The following ENOSF1 variants were observed in gnomAD, a reference collection of about 807,000 sequenced individuals.
ENOSF1 encodes the protein mitochondrial enolase superfamily member 1.
A neutral mutation model predicts 68.2 loss-of-function variants in ENOSF1; 73 were observed. The observed-to-expected ratio is 1.07, with a 90% CI of 0.89 to 1.30. ENOSF1 has a LOEUF of 1.30. Ranked by LOEUF, ENOSF1 falls within the 50% of genes most tolerant of loss-of-function variation. The pLI, the probability that ENOSF1 is intolerant of heterozygous loss-of-function variation, is 0.00. For missense variants in ENOSF1, 589 were observed against 554.5 expected (o/e 1.06, Z -0.62); for synonymous variants, 223 against 210.4 (o/e 1.06, Z -0.52).
At chr18:692,095 A>G (rs2847334) in intron 5 of ENOSF1, 95,876 of 152,028 alleles carry the variant, frequency 0.63, 30,924 homozygotes, top group African/African-American at 0.79. Context: ...TCACTGACAG[A>G]AACACAGTGG....
At chr18:670,042 CTTATTT>C (rs2144346975), downstream of ENOSF1, among the ~76,000 whole-genome samples, 1 of 128,612 alleles carries the variant, frequency 7.8e-6, no homozygotes, top group East Asian at 2.9e-4. Context: ...GTAATAGAGA[CTTATTT>C]TTTTTTTTTT....
At position 693,908 on chromosome 18, in the gene ENOSF1, G is replaced by A; in HGVS notation, c.397C>T (p.Pro133Ser). 6.2e-7 allele frequency: 1 copy of A among 1,613,834 alleles called. No homozygotes were observed. Among genetic ancestry groups the A allele is most frequent in the South Asian group, 1.1e-5 (1 of 90,982 alleles). The part of the protein sequence containing the change: ...WDLWAKQEGK[P>S]VWKLLVDMDP... Reference sequence around the variant, plus strand: ...ATGTCCACAAGTAACTTCCAGACAGGCTTGAAGTAAAAAAGAAAGGATTTG... The same window carrying A: ...ATGTCCACAAGTAACTTCCAGACAGACTTGAAGTAAAAAAGAAAGGATTTG... Residue 133 changes from proline to serine, a missense_variant and splice_region_variant, in exon 5 of 16, where the codon CCT becomes TCT. Transcript: ENST00000647584.
chr18:691,522 ATTTTTG>A (rs943723204), intron 5 of ENOSF1: 5 of 420,928 alleles, frequency 1.2e-5, no homozygotes, highest in Non-Finnish European at 2.1e-5. Context: ...ATTTATTTTT[ATTTTTG>A]TAGAGATGGG....
intron 14 of ENOSF1, among the ~76,000 whole-genome samples, chr18:676,787 TCA>T (rs781632498): frequency 4.6e-5 from 7 of 152,238 alleles, no homozygotes; most frequent in Non-Finnish European, 8.8e-5. Flanking sequence ...CATTTATCAC[TCA>T]CAGTCCTGAA....
intron 8 of ENOSF1, among the ~76,000 whole-genome samples, chr18:688,888 T>C (rs894897305): frequency 6.6e-6 from 1 of 152,148 alleles, no homozygotes; most frequent in South Asian, 2.1e-4. Context: ...TTTTTAAAGC[T>C]AGAATATTCT....
chr18:678,026 T>C (rs1276138150), intron 12 of ENOSF1, 154 bp from the exon 13 acceptor site: 2 of 871,646 alleles, frequency 2.3e-6, no homozygotes, highest in African/African-American at 3.4e-5. Flanking sequence ...TCGCTGGGCA[T>C]GAGGCGAGCT....
At chr18:678,031 C>T (rs567530990) in intron 12 of ENOSF1, 159 bp from the exon 13 acceptor site, 22 of 831,820 alleles carry the variant, frequency 2.6e-5, no homozygotes, top group Admixed American at 9.9e-5. Context: ...GGGCATGAGG[C>T]GAGCTTTTAT....
intron 11 of ENOSF1, 128 bp downstream of exon 11, chr18:683,118 A>G (rs2076248409): frequency 8.7e-7 from 1 of 1,143,642 alleles, no homozygotes; most frequent in Non-Finnish European, 1.2e-6. Flanking sequence ...ACACATTACA[A>G]TTATTTCAGC....
chr18:673,045 G>A lies in ENOSF1; in HGVS notation c.*1260C>T. The A allele has an allele frequency of 6.9e-7, 1 of 1,450,074 alleles. No homozygotes were observed. The allele number at this position is 1,450,074 out of a possible 1,614,324, so 89.8% of individuals were successfully genotyped here. ...GGATATTGTCAGTCTTTAGGGGTTG[G>A]GCTGGATGCCGAGGTAAAAGTTCTT... On this transcript the variant is annotated 3_prime_UTR_variant, in exon 16 of 16. Transcript: ENST00000647584.
rs756062561 is a variant in ENOSF1 at position 711,718 on chromosome 18, C to CA, written c.84+785dup. Reference sequence around the variant, plus strand: ...AGACCTTCAATATTTAGGTAGGAGTCAGAGTTCCTGCCCTTACTTTATTAC... The same window carrying CA: ...AGACCTTCAATATTTAGGTAGGAGTCAAGAGTTCCTGCCCTTACTTTATTAC... On this transcript the variant is annotated intron_variant, in intron 1 of 15. Coordinates refer to ENST00000647584, the MANE Select transcript of ENOSF1 (RefSeq NM_017512.7). Among the ~76,000 whole-genome samples, 9 of 152,324 alleles carry CA rather than the reference C, an allele frequency of 5.9e-5. No individual in the cohort carries two copies. In the East Asian group the frequency reaches 1.2e-3, roughly 20 times the overall value.
At position 691,294 on chromosome 18, in the gene ENOSF1, G is replaced by A. The variant is rs758938346; in HGVS notation, c.424-18C>T. On this transcript the variant is annotated intron_variant, in intron 5 of 15. Coordinates refer to ENST00000647584, the MANE Select transcript of ENOSF1 (RefSeq NM_017512.7). ...CTGGGATCCTGGCAACGTGACAGGAGGGGAAGAGGCCTGAATCAATTATAA... is the reference window on the plus strand; with the variant it reads ...CTGGGATCCTGGCAACGTGACAGGAAGGGAAGAGGCCTGAATCAATTATAA... 1.2e-6 allele frequency: 2 copies of A among 1,601,260 alleles called. No homozygotes were observed. The highest frequency in any genetic ancestry group is 1.7e-6 in the Non-Finnish European group (2 of 1,169,470).
chr18:694,207 C>A (rs1598703218), intron 4 of ENOSF1, 41 bp downstream of exon 4: 1 of 1,583,792 alleles, frequency 6.3e-7, no homozygotes, highest in Non-Finnish European at 8.7e-7. Flanking sequence ...CAGTGTCGTA[C>A]AGCTCCCAGG....
At chr18:665,043 AG>A in the ENOSF1 span, among the ~76,000 whole-genome samples, 5 of 152,014 alleles carry the variant, frequency 3.3e-5, no homozygotes, top group African/African-American at 1.2e-4. Context: ...AAAATGAGTT[AG>A]GGAGGATTCC....
chr18:696,315 C>T (rs976693348), intron 3 of ENOSF1, among the ~76,000 whole-genome samples: 7 of 150,904 alleles, frequency 4.6e-5, no homozygotes, highest in Admixed American at 1.3e-4. Flanking sequence ...AGGTTCACGC[C>T]GTTCTCCTGC....
chr18:682,945 T>G, intron 11 of ENOSF1: 1 of 267,926 alleles, frequency 3.7e-6, no homozygotes, highest in Non-Finnish European at 6.9e-6. Flanking sequence ...TGCTGTCACA[T>G]TTCTGTATTT....
intron 9 of ENOSF1, chr18:686,362 T>A: frequency 3.9e-6 from 1 of 254,720 alleles, no homozygotes; most frequent in South Asian, 6.4e-5. Context: ...TGAAAAGGGG[T>A]GCCGAGTAAG....
At chr18:709,081 A>C (rs1266086002) in intron 1 of ENOSF1, among the ~76,000 whole-genome samples, 2 of 152,182 alleles carry the variant, frequency 1.3e-5, no homozygotes, top group Non-Finnish European at 2.9e-5. Flanking sequence ...GGCGGCAGAG[A>C]ATGGAAGTTG....
At chr18:691,182 C>T (rs745499095) in intron 6 of ENOSF1, 22 bp downstream of exon 6, 10 of 1,613,716 alleles carry the variant, frequency 6.2e-6, no homozygotes, top group Admixed American at 1.7e-5. Context: ...CGTCGTGTAT[C>T]CCAGAAAGCT....
chr18:692,774 A>C (rs1020579107), intron 5 of ENOSF1: 1 of 999,980 alleles, frequency 1.0e-6, no homozygotes, highest in African/African-American at 1.7e-5. Context: ...GCCAACCTTG[A>C]ATCTAGAAGG....
Sources: allele counts gnomAD v4.1 joint callset (sites outside exome capture counted in the v4.1 genomes callset), GRCh38; gene constraint gnomAD v4.1.1; transcripts MANE v1.5; gene names NCBI Gene and HGNC (gene_info 2026-07-23, HGNC 2026-07-21).